Variants in PCDHGA5 observed in about 807,000 individuals in gnomAD.
PCDHGA5 encodes the protein protocadherin gamma subfamily A, 5.
A neutral mutation model predicts 56.7 loss-of-function variants in PCDHGA5; 36 were observed. The ratio of observed to expected loss-of-function variants is 0.64; its 90% CI spans 0.49 to 0.84. PCDHGA5 has a LOEUF of 0.84. Ranked by LOEUF, PCDHGA5 falls within the 40% of genes least tolerant of loss-of-function variation. The pLI is 0.00. For missense variants in PCDHGA5, 1,305 were observed against 1,201.5 expected (o/e 1.09, Z -1.27); for synonymous variants, 563 against 520.2 (o/e 1.08, Z -1.12).
At chr5:141,427,814 G>T in intron 1 of PCDHGA5, 2 of 1,526,562 alleles carry the variant, frequency 1.3e-6, no homozygotes, top group South Asian at 2.2e-5. Context: ...CACAGAGCGG[G>T]GTGGTGGTCG....
At chr5:141,408,078 C>G in intron 1 of PCDHGA5, 1 of 1,407,992 alleles carries the variant, frequency 7.1e-7, no homozygotes, top group Non-Finnish European at 9.4e-7. Context: ...CCTTTCCCAG[C>G]ACAGCGGATT....
Position 141,477,588 on chromosome 5 carries a change from G to T in PCDHGA5, c.2422-17219G>T. 1 of 1,614,152 alleles carries T rather than the reference G, an allele frequency of 6.2e-7. No individual in the cohort carries two copies. The highest frequency in any genetic ancestry group is 8.5e-7 in the Non-Finnish European group (1 of 1,180,040). ...GACCCCGACGCCCCGCAGAATGCTCGGCTTTCTTTCTTTCTCTTGGAGCAA... is the reference window on the plus strand; with the variant it reads ...GACCCCGACGCCCCGCAGAATGCTCTGCTTTCTTTCTTTCTCTTGGAGCAA... On this transcript the variant is annotated intron_variant, in intron 1 of 3. Coordinates refer to ENST00000518069, the MANE Select transcript of PCDHGA5 (RefSeq NM_018918.3). This position sits in a 1 kb window ranked among gnomAD's most constrained non-coding sequence, Gnocchi z 4.9.
chr5:141,421,782 C>A, intron 1 of PCDHGA5: 1 of 1,613,878 alleles, frequency 6.2e-7, no homozygotes, highest in Non-Finnish European at 8.5e-7. Context: ...AACTGCGGGG[C>A]AGAACGGATG....
chr5:141,470,459 A>T (rs59770804), intron 1 of PCDHGA5, among the ~76,000 whole-genome samples: 32,627 of 152,034 alleles, frequency 0.21, 3,610 homozygotes, highest in African/African-American at 0.27. Context: ...CTTGAATAGG[A>T]TTTTCTGATA....
intron 1 of PCDHGA5, chr5:141,415,929 T>C: frequency 1.6e-6 from 1 of 629,678 alleles, no homozygotes; most frequent in African/African-American, 1.9e-5. Context: ...TGTCAATTTA[T>C]ATTTCCTCCT....
chr5:141,453,333 A>T (rs181261279), intron 1 of PCDHGA5, among the ~76,000 whole-genome samples: 3 of 151,914 alleles, frequency 2.0e-5, no homozygotes, highest in Admixed American at 1.3e-4. Context: ...GGGTCTCACT[A>T]TGTTTCCCCA....
chr5:141,477,378 C>A lies in PCDHGA5; in HGVS notation c.2422-17429C>A. On this transcript the variant is annotated intron_variant, in intron 1 of 3. Coordinates refer to ENST00000518069, the MANE Select transcript of PCDHGA5 (RefSeq NM_018918.3). This position sits in a 1 kb window ranked among gnomAD's most constrained non-coding sequence, Gnocchi z 4.9. ...GCAGACCTGGATCGGGAGACTGTGC[C>A]AGAATACAACCTCAGCATCACCGCC... 2 of 1,614,136 alleles carry A rather than the reference C, an allele frequency of 1.2e-6. No homozygotes were observed. Among genetic ancestry groups the A allele is most frequent in the Non-Finnish European group, 1.7e-6 (2 of 1,180,034 alleles).
chr5:141,468,330 C>CAAAAAAAAAAA (rs533390277), intron 1 of PCDHGA5: 4 of 79,798 alleles, frequency 5.0e-5, no homozygotes, highest in Non-Finnish European at 1.1e-4. Flanking sequence ...AACTCCATCT[C>CAAAAAAAAAAA]AAAAAAAAAA....
At chr5:141,421,994 T>A (rs765586654) in intron 1 of PCDHGA5, 3 of 1,608,922 alleles carry the variant, frequency 1.9e-6, no homozygotes, top group Non-Finnish European at 2.5e-6. Flanking sequence ...CCAGAAAACA[T>A]CAGCTCCGGA....
intron 1 of PCDHGA5, among the ~76,000 whole-genome samples, chr5:141,456,857 G>A (rs957526443): frequency 6.6e-5 from 10 of 152,234 alleles, no homozygotes; most frequent in African/African-American, 2.4e-4. Context: ...CAGCTAATTG[G>A]GAGGCTGAGG....
intron 1 of PCDHGA5, chr5:141,393,440 C>T (rs777552488): frequency 1.7e-5 from 27 of 1,613,924 alleles, no homozygotes; most frequent in Non-Finnish European, 2.3e-5. Context: ...CTGCTCACCA[C>T]CTGGTCCTCA....
chr5:141,457,301 CCAAA>C (rs1163780799), intron 1 of PCDHGA5, among the ~76,000 whole-genome samples: 1 of 152,090 alleles, frequency 6.6e-6, no homozygotes, highest in Non-Finnish European at 1.5e-5. Context: ...TTTTATTTTC[CCAAA>C]CAAAGAAACC....
intron 1 of PCDHGA5, among the ~76,000 whole-genome samples, chr5:141,473,946 G>A (rs1399816546): frequency 6.6e-6 from 1 of 152,170 alleles, no homozygotes; most frequent in African/African-American, 2.4e-5. Context: ...GCTCAGGCCT[G>A]TAGTCCCATC....
chr5:141,374,289 G>A, intron 1 of PCDHGA5: 1 of 1,614,016 alleles, frequency 6.2e-7, no homozygotes. Context: ...ATCGTCTCCA[G>A]AGGTAGGATG....
At chr5:141,394,937 C>A in intron 1 of PCDHGA5, 1 of 1,613,806 alleles carries the variant, frequency 6.2e-7, no homozygotes, top group Non-Finnish European at 8.5e-7. Context: ...TCGCCTTTGT[C>A]GCTGTGCTTC....
chr5:141,437,831 G>C (rs923199746), intron 1 of PCDHGA5, among the ~76,000 whole-genome samples: 16 of 151,256 alleles, frequency 1.1e-4, no homozygotes, highest in African/African-American at 3.4e-4. Flanking sequence ...TCTGCCTCCT[G>C]GGTTCATGCT....
chr5:141,509,572 G>T (rs955898202), intron 3 of PCDHGA5, among the ~76,000 whole-genome samples: 24 of 152,300 alleles, frequency 1.6e-4, no homozygotes, highest in Middle Eastern at 3.4e-3. Context: ...CCTTCACAGT[G>T]CGTACAAATC....
At chr5:141,383,255 T>C (rs772221697) in intron 1 of PCDHGA5, 32 of 1,613,816 alleles carry the variant, frequency 2.0e-5, no homozygotes, top group African/African-American at 2.7e-5. Flanking sequence ...CTTTACCCTA[T>C]AGACGTGGAA....
Position 141,489,857 on chromosome 5 carries a change from C to T in PCDHGA5, c.2422-4950C>T. 2 of 1,614,166 alleles carry T rather than the reference C, an allele frequency of 1.2e-6. No individual in the cohort carries two copies. On this transcript the variant is annotated intron_variant, in intron 1 of 3. Coordinates refer to ENST00000518069, the MANE Select transcript of PCDHGA5 (RefSeq NM_018918.3). This position sits in a 1 kb window ranked among gnomAD's most constrained non-coding sequence, Gnocchi z 4.5. ...CAGCAGCTGGATCGTGAAGCCCAGGCAAGACATCAGCTGGTGCTTACTGCT... is the reference window on the plus strand; with the variant it reads ...CAGCAGCTGGATCGTGAAGCCCAGGTAAGACATCAGCTGGTGCTTACTGCT...
Sources: allele counts gnomAD v4.1 joint callset (sites outside exome capture counted in the v4.1 genomes callset), GRCh38; gene constraint gnomAD v4.1.1; non-coding constraint Gnocchi (gnomAD v3.1); transcripts MANE v1.5; gene names NCBI Gene and HGNC (gene_info 2026-07-23, HGNC 2026-07-21).